SPHKAP: variants seen among roughly 807,000 people sequenced by gnomAD.
The protein encoded by SPHKAP is A-kinase anchor protein SPHKAP.
Under a neutral mutation model 137.5 loss-of-function variants are expected in SPHKAP, and 67 were observed. The observed-to-expected ratio is 0.49, with a 90% confidence interval of 0.40 to 0.60. The LOEUF is 0.60. Ranked by LOEUF, SPHKAP falls within the 20% of genes least tolerant of loss-of-function variation. The pLI, the probability that SPHKAP is intolerant of heterozygous loss-of-function variation, is 0.00. For synonymous variants in SPHKAP, 813 were observed against 785.3 expected (o/e 1.04, Z -0.59); for missense variants, 2,097 against 2,069.3 (o/e 1.01, Z -0.26).
chr2:228,131,078 G>A (rs1242905731), intron 2 of SPHKAP, among the ~76,000 whole-genome samples: 1 of 151,938 alleles, frequency 6.6e-6, no homozygotes, highest in Non-Finnish European at 1.5e-5. Context: ...AATTATTAAT[G>A]CTGCTTAACT....
At chr2:228,178,749 A>G (rs1295178055) in intron 1 of SPHKAP, among the ~76,000 whole-genome samples, 1 of 152,142 alleles carries the variant, frequency 6.6e-6, no homozygotes, top group African/African-American at 2.4e-5. Flanking sequence ...ATCTCTGCAC[A>G]GCTTGGTTTC....
chr2:228,004,710 C>G (rs1044053525), intron 7 of SPHKAP, among the ~76,000 whole-genome samples: 1 of 152,092 alleles, frequency 6.6e-6, no homozygotes, highest in African/African-American at 2.4e-5. Context: ...ATAAATTTTC[C>G]TCTACACACT....
chr2:228,025,291 T>C (rs895365027), intron 5 of SPHKAP, 103 bp downstream of exon 5: 3 of 1,202,868 alleles, frequency 2.5e-6, no homozygotes, highest in African/African-American at 3.1e-5. Context: ...TTGATTCCTA[T>C]GTTACAGAAG....
At chr2:228,151,333 T>C (rs576646878) in intron 1 of SPHKAP, among the ~76,000 whole-genome samples, 6 of 151,676 alleles carry the variant, frequency 4.0e-5, no homozygotes, top group African/African-American at 1.2e-4. Context: ...CAGTCTATCA[T>C]TGTTGGACAT....
At chr2:228,093,216 G>A (rs1559169929) in intron 3 of SPHKAP, among the ~76,000 whole-genome samples, 1 of 152,140 alleles carries the variant, frequency 6.6e-6, no homozygotes, top group Non-Finnish European at 1.5e-5. Context: ...AAAACAGTTT[G>A]GCAGTTCCTC....
At chr2:228,103,703 C>A (rs1171538141) in intron 3 of SPHKAP, among the ~76,000 whole-genome samples, 1 of 152,138 alleles carries the variant, frequency 6.6e-6, no homozygotes, top group African/African-American at 2.4e-5. Context: ...ATGACTTCTG[C>A]CATTAGCATT....
chr2:227,995,490 T>C lies in SPHKAP; in HGVS notation c.4634+19A>G, dbSNP rs1188506642. 18 of 1,613,372 alleles carry C rather than the reference T, an allele frequency of 1.1e-5. No homozygotes were observed. The highest frequency in any genetic ancestry group is 1.4e-5 in the Non-Finnish European group (17 of 1,179,542). ...TGTTGAGACCAATTTCCCTGGGAAT[T>C]CAAGGGAAGAGCAGGTACCTCATGG... On this transcript the variant is annotated intron_variant, in intron 8 of 11. Coordinates refer to ENST00000392056, the MANE Select transcript of SPHKAP (RefSeq NM_001142644.2).
At chr2:228,044,294 A>C (rs2106262756) in intron 3 of SPHKAP, among the ~76,000 whole-genome samples, 1 of 152,352 alleles carries the variant, frequency 6.6e-6, no homozygotes, top group South Asian at 2.1e-4. Context: ...AAGTAGAAAA[A>C]TATTTAGAGG....
At chr2:228,154,591 C>G (rs535813560) in intron 1 of SPHKAP, among the ~76,000 whole-genome samples, 228 of 119,160 alleles carry the variant, frequency 1.9e-3, no homozygotes, top group African/African-American at 7.3e-3. Context: ...CTCTGTCACC[C>G]AGGCTGGAGT....
At chr2:228,031,643 C>T (rs1052537099) in intron 3 of SPHKAP, among the ~76,000 whole-genome samples, 5 of 152,210 alleles carry the variant, frequency 3.3e-5, no homozygotes, top group African/African-American at 9.7e-5. Context: ...ACACCTCACA[C>T]GGCCAGATAC....
intron 1 of SPHKAP, among the ~76,000 whole-genome samples, chr2:228,135,040 T>TCACGCCTGTAATCCCAGCACTTTGG (rs1699390586): frequency 6.6e-6 from 1 of 152,052 alleles, no homozygotes; most frequent in Non-Finnish European, 1.5e-5. Context: ...TTTGGGAGGC[T>TCACGCCTGTAATCCCAGCACTTTGG]GAGGTGGGTG....
intron 7 of SPHKAP, among the ~76,000 whole-genome samples, chr2:228,013,084 G>A (rs1694449852): frequency 1.3e-5 from 2 of 152,156 alleles, no homozygotes; most frequent in Non-Finnish European, 2.9e-5. Flanking sequence ...GTGTATAAGG[G>A]AGTAGAACTG....
intron 1 of SPHKAP, among the ~76,000 whole-genome samples, chr2:228,147,284 C>T (rs752693530): frequency 2.6e-5 from 4 of 152,084 alleles, no homozygotes; most frequent in Non-Finnish European, 4.4e-5. Flanking sequence ...AGTCTATAGT[C>T]CTGAGATACC....
At chr2:228,174,600 G>A (rs1042849346) in intron 1 of SPHKAP, among the ~76,000 whole-genome samples, 3 of 152,098 alleles carry the variant, frequency 2.0e-5, no homozygotes, top group Non-Finnish European at 2.9e-5. Context: ...CTGACTTCCA[G>A]TTTCCATTTG....
intron 3 of SPHKAP, among the ~76,000 whole-genome samples, chr2:228,098,301 C>T (rs1268404346): frequency 6.6e-6 from 1 of 151,978 alleles, no homozygotes; most frequent in Non-Finnish European, 1.5e-5. Context: ...AGTGTCTGTT[C>T]CACATGCACA....
At chr2:228,146,710 G>A (rs1036203014) in intron 1 of SPHKAP, among the ~76,000 whole-genome samples, 6 of 152,176 alleles carry the variant, frequency 3.9e-5, no homozygotes, top group East Asian at 1.9e-4. Context: ...AGTTCCACGC[G>A]TGTTCCCGCA....
intron 3 of SPHKAP, among the ~76,000 whole-genome samples, chr2:228,037,067 CTTA>C (rs1025489132): frequency 1.2e-4 from 18 of 151,916 alleles, no homozygotes; most frequent in African/African-American, 3.1e-4. Flanking sequence ...TATTTTTCAG[CTTA>C]TTGTCAAAAT....
At chr2:228,030,950 TGAGC>T (rs1479816678) in intron 3 of SPHKAP, among the ~76,000 whole-genome samples, 1 of 152,190 alleles carries the variant, frequency 6.6e-6, no homozygotes, top group African/African-American at 2.4e-5. Flanking sequence ...GCTCCCAGTG[TGAGC>T]GATGCAGAAG....
intron 3 of SPHKAP, among the ~76,000 whole-genome samples, chr2:228,092,939 C>G (rs1198093081): frequency 6.6e-6 from 1 of 152,026 alleles, no homozygotes; most frequent in Non-Finnish European, 1.5e-5. Flanking sequence ...GGATAAGAGA[C>G]TACAAACTGG....
Sources: gnomAD v4.1 joint callset for allele counts (sites outside exome capture counted in the v4.1 genomes callset) on GRCh38, gnomAD v4.1.1 for gene constraint, MANE v1.5 for transcripts, NCBI Gene and HGNC (gene_info 2026-07-23, HGNC 2026-07-21) for gene names.